PTCHD4: variants seen among roughly 807,000 people sequenced by gnomAD.
PTCHD4 encodes the protein patched domain-containing protein 4.
PTCHD4 carries 33 observed loss-of-function variants against 58.1 expected under a neutral mutation model. The ratio of observed to expected loss-of-function variants is 0.57; its 90% CI spans 0.43 to 0.76. The LOEUF is 0.76. Ranked by LOEUF, PTCHD4 falls within the 30% of genes least tolerant of loss-of-function variation. The pLI is 0.00. For synonymous variants in PTCHD4, 478 were observed against 409.6 expected (o/e 1.17, Z -2.02); for missense variants, 1,058 against 1,027.1 (o/e 1.03, Z -0.41).
At chr6:47,886,775 T>C (rs1764206571) in intron 4 of PTCHD4, among the ~76,000 whole-genome samples, 1 of 152,260 alleles carries the variant, frequency 6.6e-6, no homozygotes. Flanking sequence ...ATTTATCCAT[T>C]GTTCCTTCTC....
intron 4 of PTCHD4, among the ~76,000 whole-genome samples, chr6:47,886,427 A>T (rs1343422868): frequency 6.6e-6 from 1 of 152,156 alleles, no homozygotes; most frequent in Non-Finnish European, 1.5e-5. Context: ...TCACTTGAAC[A>T]TGCTAATCAA....
chr6:48,051,265 T>C (rs1764223611), intron 3 of PTCHD4, among the ~76,000 whole-genome samples: 1 of 152,014 alleles, frequency 6.6e-6, no homozygotes. Flanking sequence ...GAATGTTTAT[T>C]AAATCAGGTA....
intron 3 of PTCHD4, among the ~76,000 whole-genome samples, chr6:48,057,533 C>T (rs1466913791): frequency 6.6e-6 from 1 of 152,164 alleles, no homozygotes; most frequent in Admixed American, 6.5e-5. Flanking sequence ...AACTACCTAC[C>T]TCTAAAGTAC....
intron 4 of PTCHD4, among the ~76,000 whole-genome samples, chr6:47,934,983 T>C (rs1446036678): frequency 1.3e-5 from 2 of 152,246 alleles, no homozygotes; most frequent in African/African-American, 4.8e-5. Flanking sequence ...TAAATAAGTC[T>C]ATGTTCACAT....
At chr6:48,109,552 G>T (rs1028111381) in intron 1 of PTCHD4, among the ~76,000 whole-genome samples, 2 of 151,838 alleles carry the variant, frequency 1.3e-5, no homozygotes, top group African/African-American at 4.8e-5. Flanking sequence ...AAATAAACAA[G>T]TGGGACTACA....
rs567276465 is a variant in PTCHD4 at position 47,868,190 on chromosome 6, CT to C, written c.*10112del. On this transcript the variant is annotated 3_prime_UTR_variant, in exon 5 of 5. Coordinates refer to ENST00000339488, the MANE Select transcript of PTCHD4 (RefSeq NM_001384253.1). Reference sequence around the variant, plus strand: ...GTTTTAAAATTTTTTCTCACTTTACCTTTTTTTTTAAAAAAACACCCTTGTC... The same window carrying C: ...GTTTTAAAATTTTTTCTCACTTTACCTTTTTTTTAAAAAAACACCCTTGTC... Among the ~76,000 whole-genome samples the C allele has an allele frequency of 7.3e-5, 11 of 150,806 alleles. No individual in the cohort carries two copies. The highest frequency in any genetic ancestry group is 2.1e-4 in the South Asian group (1 of 4,784).
chr6:47,872,407 C>T lies in PTCHD4; in HGVS notation c.*5896G>A, dbSNP rs112788978. On this transcript the variant is annotated 3_prime_UTR_variant, in exon 5 of 5. Transcript: ENST00000339488. ...CTGTGGCAACAGAGGGAAAGAAAAC[C>T]GTAATGCTCCTCTATTAGACCATGC... Among the ~76,000 whole-genome samples the T allele has an allele frequency of 1.0e-3, 155 of 151,684 alleles. 2 individuals carry two copies. The highest frequency in any genetic ancestry group is 6.8e-3 in the Middle Eastern group (2 of 294).
Position 48,068,741 on chromosome 6 carries a change from C to T in PTCHD4, c.6-100G>A. The T allele has an allele frequency of 8.5e-7, 1 of 1,183,312 alleles. No homozygotes were observed. The highest frequency in any genetic ancestry group is 1.5e-5 in the South Asian group (1 of 65,368). The allele number at this position is 1,183,312 out of a possible 1,614,324, so 73.3% of individuals were successfully genotyped here. A position where few individuals can be genotyped will look rare whatever the true frequency, so the allele number is the denominator to read the frequency against. On this transcript the variant is annotated intron_variant, in intron 2 of 4. Coordinates refer to ENST00000339488, the MANE Select transcript of PTCHD4 (RefSeq NM_001384253.1). The surrounding 1 kb of genome is among the most constrained non-coding windows in gnomAD (Gnocchi z 4.2). ...CCCCCTCCCCACCGCCGCCGCCTCCCCACCCACTCCGCGCTCACCCCACAA... is the reference window on the plus strand; with the variant it reads ...CCCCCTCCCCACCGCCGCCGCCTCCTCACCCACTCCGCGCTCACCCCACAA...
intron 4 of PTCHD4, among the ~76,000 whole-genome samples, chr6:47,954,212 C>G (rs1766763100): frequency 6.6e-6 from 1 of 152,088 alleles, no homozygotes; most frequent in African/African-American, 2.4e-5. Context: ...CAAAAATCAG[C>G]TGGGCGTGGT....
At position 47,872,102 on chromosome 6, in the gene PTCHD4, G is replaced by T. The variant is rs1018866926; in HGVS notation, c.*6201C>A. Among the ~76,000 whole-genome samples the T allele has an allele frequency of 6.6e-6, 1 of 151,316 alleles. No homozygotes were observed. The highest frequency in any genetic ancestry group is 1.5e-5 in the Non-Finnish European group (1 of 67,650). On this transcript the variant is annotated 3_prime_UTR_variant, in exon 5 of 5. Transcript: ENST00000339488. ...AATTCATCAGATAAAATGATAGAAGGTGTTTCCGTGTCCAGGGAGAGATTC... is the reference window on the plus strand; with the variant it reads ...AATTCATCAGATAAAATGATAGAAGTTGTTTCCGTGTCCAGGGAGAGATTC...
intron 4 of PTCHD4, among the ~76,000 whole-genome samples, chr6:47,906,441 C>T (rs114157509): frequency 5.7e-4 from 86 of 152,170 alleles, no homozygotes; most frequent in African/African-American, 2.0e-3. Flanking sequence ...ACTTTACTCG[C>T]ATTCAAGAGA....
chr6:48,021,700 G>T (rs1763078433), intron 3 of PTCHD4, among the ~76,000 whole-genome samples: 1 of 151,962 alleles, frequency 6.6e-6, no homozygotes, highest in Non-Finnish European at 1.5e-5. Flanking sequence ...ATATGCCATT[G>T]ATTTATGTAG....
intron 3 of PTCHD4, among the ~76,000 whole-genome samples, chr6:48,024,919 T>G (rs1763190459): frequency 6.6e-6 from 1 of 152,136 alleles, no homozygotes. Flanking sequence ...ATACATAAAA[T>G]GGTAGTATGC....
At chr6:48,096,654 T>G (rs1265712729) in intron 1 of PTCHD4, among the ~76,000 whole-genome samples, 3 of 151,310 alleles carry the variant, frequency 2.0e-5, no homozygotes, top group South Asian at 2.1e-4. Context: ...TGTGCCATTG[T>G]GCTTGAAGAA....
intron 4 of PTCHD4, among the ~76,000 whole-genome samples, chr6:47,933,071 G>A (rs770910010): frequency 6.6e-6 from 1 of 152,210 alleles, no homozygotes; most frequent in African/African-American, 2.4e-5. Context: ...GTCAGGTAGT[G>A]AGAGTTCAAG....
chr6:47,890,966 G>T (rs1454791228), intron 4 of PTCHD4: 9 of 792,394 alleles, frequency 1.1e-5, no homozygotes, highest in Middle Eastern at 6.4e-4. Flanking sequence ...CCAGCACTTT[G>T]GGGGGCTGAG....
chr6:48,066,617 A>C (rs1764807248), intron 3 of PTCHD4, among the ~76,000 whole-genome samples: 1 of 152,200 alleles, frequency 6.6e-6, no homozygotes, highest in Non-Finnish European at 1.5e-5. Flanking sequence ...AATGAAAAGC[A>C]TGCTGCCTAA....
chr6:48,095,754 T>C (rs1209461954), intron 1 of PTCHD4, among the ~76,000 whole-genome samples: 1 of 137,034 alleles, frequency 7.3e-6, no homozygotes, highest in Non-Finnish European at 1.6e-5. Flanking sequence ...AAAACAAATA[T>C]AACTGTTGTG....
At chr6:47,993,945 T>C (rs1351288374) in intron 4 of PTCHD4, among the ~76,000 whole-genome samples, 1 of 152,164 alleles carries the variant, frequency 6.6e-6, no homozygotes, top group African/African-American at 2.4e-5. Flanking sequence ...CAGGAAGCTG[T>C]TATCACTTTT....
Sources: gnomAD v4.1 joint callset for allele counts (sites outside exome capture counted in the v4.1 genomes callset) on GRCh38, gnomAD v4.1.1 for gene constraint, Gnocchi (gnomAD v3.1) non-coding constraint, MANE v1.5 for transcripts, NCBI Gene and HGNC (gene_info 2026-07-23, HGNC 2026-07-21) for gene names.